Variants in OCA2 observed in about 807,000 individuals in gnomAD.
OCA2 encodes the protein OCA2 melanosomal transmembrane protein.
A neutral mutation model predicts 100.2 loss-of-function variants in OCA2; 77 were observed. The ratio of observed to expected loss-of-function variants is 0.77; its 90% CI spans 0.64 to 0.93. The LOEUF (loss-of-function observed/expected upper bound fraction) is 0.93, where lower values mean the gene tolerates loss of function less well. OCA2 is among the 40% of genes least tolerant of loss of function. OCA2 has a pLI of 0.00. For synonymous variants in OCA2, 432 were observed against 439.2 expected (o/e 0.98, Z 0.21); for missense variants, 1,062 against 1,089.1 (o/e 0.98, Z 0.35).
rs146998847 is a variant in OCA2, at chr15:27,854,329, G to A, written c.2245-2854C>T. 2.8e-3 allele frequency among the ~76,000 whole-genome samples: 430 copies of A among 152,298 alleles called. 2 individuals carry two copies. Among genetic ancestry groups the A allele is most frequent in the African/African-American group, 9.8e-3 (408 of 41,564 alleles). On this transcript the variant is annotated intron_variant, in intron 21 of 23. Transcript: ENST00000354638. ...CAGACCAGGAAGCTGCAGCCAGGCCGCTGACCCATGTGCCTGCTACTGCAC... is the reference window on the plus strand; with the variant it reads ...CAGACCAGGAAGCTGCAGCCAGGCCACTGACCCATGTGCCTGCTACTGCAC...
At position 27,859,278 on chromosome 15, in the gene OCA2, T is replaced by C. The variant is rs372659460; in HGVS notation, c.2245-7803A>G. On this transcript the variant is annotated intron_variant, in intron 21 of 23. Transcript: ENST00000354638. ...TCGACGATATTGTCAAAGTTTTATC[T>C]AGATTGACTAAGAAAAAGAGATAAA... 9.2e-5 allele frequency among the ~76,000 whole-genome samples: 14 copies of C among 152,230 alleles called. 1 individual carries two copies. Among genetic ancestry groups the C allele is most frequent in the Middle Eastern group, 3.4e-3 (1 of 294 alleles).
At chr15:27,746,495 TAGAAC>T in the OCA2 span, among the ~76,000 whole-genome samples, 1 of 151,356 alleles carries the variant, frequency 6.6e-6, no homozygotes, top group Non-Finnish European at 1.5e-5. Flanking sequence ...AATAAATAAA[TAGAAC>T]TTTTTTCCCC....
At chr15:27,871,377 A>G (rs1037309929) in intron 20 of OCA2, 119 bp from the exon 21 acceptor site, 1 of 748,614 alleles carries the variant, frequency 1.3e-6, no homozygotes, top group Non-Finnish European at 2.4e-6. Flanking sequence ...CCATCACGAG[A>G]CCAAGGCAGA....
intron 18 of OCA2, among the ~76,000 whole-genome samples, chr15:27,936,310 G>A (rs960179100): frequency 3.9e-5 from 6 of 152,168 alleles, no homozygotes; most frequent in Non-Finnish European, 5.9e-5. Context: ...AAGTCAGAAG[G>A]AGCCGAGTGA....
intron 1 of OCA2, among the ~76,000 whole-genome samples, chr15:28,084,646 T>C (rs1246491926): frequency 6.6e-6 from 1 of 152,108 alleles, no homozygotes; most frequent in Admixed American, 6.5e-5. Flanking sequence ...ATCTGGAAGC[T>C]CAACTGGGGA....
At chr15:27,831,617 C>G (rs1355419635) in intron 23 of OCA2, among the ~76,000 whole-genome samples, 1 of 152,192 alleles carries the variant, frequency 6.6e-6, no homozygotes, top group South Asian at 2.1e-4. Context: ...GAGTGGGCAC[C>G]CAGCTCAGAC....
intron 14 of OCA2, among the ~76,000 whole-genome samples, chr15:27,968,458 G>C (rs1238666787): frequency 1.3e-5 from 2 of 152,210 alleles, no homozygotes; most frequent in Non-Finnish European, 2.9e-5. Context: ...CGTTAGTGAG[G>C]ATCCCACGTT....
intron 23 of OCA2, among the ~76,000 whole-genome samples, chr15:27,760,700 A>G (rs940600553): frequency 2.6e-5 from 4 of 152,070 alleles, no homozygotes; most frequent in African/African-American, 7.2e-5. Context: ...ACTATTAACA[A>G]TTGTATACAT....
chr15:27,730,408 A>C, the OCA2 span, among the ~76,000 whole-genome samples: 9,375 of 152,198 alleles, frequency 0.062, 878 homozygotes, highest in African/African-American at 0.21. Flanking sequence ...AGGTGTGCCA[A>C]TGTGCATACC....
intron 9 of OCA2, among the ~76,000 whole-genome samples, chr15:28,008,312 C>T (rs2042145128): frequency 6.6e-6 from 1 of 152,230 alleles, no homozygotes; most frequent in South Asian, 2.1e-4. Context: ...AATCAATGTA[C>T]TTTATGTTCT....
chr15:28,090,349 A>G (rs1221970498), intron 1 of OCA2, among the ~76,000 whole-genome samples: 3 of 152,364 alleles, frequency 2.0e-5, no homozygotes, highest in African/African-American at 7.2e-5. Context: ...ATCAACCAAT[A>G]GAATATAATC....
At chr15:28,090,758 T>C (rs1027771919) in intron 1 of OCA2, among the ~76,000 whole-genome samples, 3 of 151,960 alleles carry the variant, frequency 2.0e-5, no homozygotes, top group African/African-American at 7.3e-5. Context: ...AAAAATAATA[T>C]AAGCTCTCAT....
At chr15:28,058,508 C>CCACCGTGCCCAGCT (rs142037890) in intron 2 of OCA2, among the ~76,000 whole-genome samples, 26,512 of 152,018 alleles carry the variant, frequency 0.17, 4,158 homozygotes, top group African/African-American at 0.43. Context: ...CCACCACCCA[C>CCACCGTGCCCAGCT]CCTGCCACCC....
At chr15:27,864,348 C>T (rs544701762) in intron 21 of OCA2, among the ~76,000 whole-genome samples, 2 of 152,296 alleles carry the variant, frequency 1.3e-5, no homozygotes, top group Middle Eastern at 3.4e-3. Flanking sequence ...TTGCAATCCG[C>T]CAGGCTGGGT....
At chr15:27,752,254 C>T (rs534337490), downstream of OCA2, among the ~76,000 whole-genome samples, 2 of 152,310 alleles carry the variant, frequency 1.3e-5, no homozygotes, top group African/African-American at 2.4e-5. Flanking sequence ...ACTTTATGCA[C>T]GTGATGTCGG....
the OCA2 span, among the ~76,000 whole-genome samples, chr15:27,734,533 G>A: frequency 2.1e-4 from 32 of 152,300 alleles, no homozygotes; most frequent in African/African-American, 7.5e-4. Flanking sequence ...GCACCAGACA[G>A]ATCCCCATGG....
chr15:27,931,057 T>G (rs1167357488), intron 18 of OCA2, among the ~76,000 whole-genome samples: 2 of 152,136 alleles, frequency 1.3e-5, no homozygotes, highest in African/African-American at 4.8e-5. Flanking sequence ...TCTCCCACTT[T>G]CAAGAGTTAG....
At chr15:27,992,382 G>A (rs1214968178) in intron 9 of OCA2, among the ~76,000 whole-genome samples, 1 of 152,176 alleles carries the variant, frequency 6.6e-6, no homozygotes, top group Non-Finnish European at 1.5e-5. Context: ...TTATAGGCAT[G>A]AGCCACCGCG....
chr15:27,874,646 G>T (rs995290089), intron 19 of OCA2, among the ~76,000 whole-genome samples: 1 of 152,306 alleles, frequency 6.6e-6, no homozygotes, highest in Non-Finnish European at 1.5e-5. Context: ...GAGGAATTTT[G>T]CTTAAAGAAA....
Sources: allele counts gnomAD v4.1 joint callset (sites outside exome capture counted in the v4.1 genomes callset), GRCh38; gene constraint gnomAD v4.1.1; transcripts MANE v1.5; gene names NCBI Gene and HGNC (gene_info 2026-07-23, HGNC 2026-07-21).